Variants in NYAP2 observed in about 807,000 individuals in gnomAD.
The protein encoded by NYAP2 is neuronal tyrosine-phosphorylated phosphoinositide-3-kinase adapter 2.
Under a neutral mutation model 50.4 loss-of-function variants are expected in NYAP2, and 23 were observed. The ratio of observed to expected loss-of-function variants is 0.46; its 90% confidence interval spans 0.33 to 0.65. The LOEUF is 0.65. Ranked by LOEUF, NYAP2 falls within the 30% of genes least tolerant of loss-of-function variation. NYAP2 has a pLI of 0.02. For synonymous variants in NYAP2, 394 were observed against 365.2 expected, an observed-to-expected ratio of 1.08 and a Z score of -0.90; for missense variants, 885 against 861.0, an observed-to-expected ratio of 1.03 and a Z score of -0.35.
chr2:225,409,249 T>TA lies in NYAP2; in HGVS notation c.221+150dup. The TA allele has an allele frequency of 4.9e-6, 3 of 606,198 alleles. 1 individual carries two copies. In the South Asian group the frequency reaches 6.2e-5, roughly 13 times the overall value. The allele number at this position is 606,198 out of a possible 1,614,324, so 37.6% of individuals were successfully genotyped here. Reference sequence around the variant, plus strand: ...GCATATGAAAGCGACCCCTCAACTATAACAAAAACACCACCCACACTGCCA... The same window carrying TA: ...GCATATGAAAGCGACCCCTCAACTATAAACAAAAACACCACCCACACTGCCA... On this transcript the variant is annotated intron_variant, in intron 3 of 6. Transcript: ENST00000636099.
chr2:225,456,171 C>A (rs146676232), intron 3 of NYAP2, among the ~76,000 whole-genome samples: 28 of 152,306 alleles, frequency 1.8e-4, no homozygotes, highest in African/African-American at 6.3e-4. Flanking sequence ...ATGGGCTTAG[C>A]CTGCTCTTTT....
In NYAP2 at chr2:225,418,141, T is replaced by A. The variant is rs193231641; in HGVS notation, c.221+9040T>A. 2.6e-5 allele frequency among the ~76,000 whole-genome samples: 4 copies of A among 152,214 alleles called. No homozygotes were observed. In the East Asian group the frequency reaches 7.7e-4, roughly 29 times the overall value. On this transcript the variant is annotated intron_variant, in intron 3 of 6. Transcript: ENST00000636099. ...AAGTAATAAGTGAGGAGAGAAGCCA[T>A]GCAGATCTCAGGAAAAACAGATTTC...
At chr2:225,557,430 G>T (rs530874896) in intron 4 of NYAP2, among the ~76,000 whole-genome samples, 3 of 151,572 alleles carry the variant, frequency 2.0e-5, no homozygotes, top group Admixed American at 6.6e-5. Flanking sequence ...ATGCATGTTT[G>T]TATGTATGTT....
chr2:225,410,810 A>G (rs1482284029), intron 3 of NYAP2, among the ~76,000 whole-genome samples: 1 of 152,098 alleles, frequency 6.6e-6, no homozygotes, highest in African/African-American at 2.4e-5. Context: ...CAAGTGTTCA[A>G]AAAGGGGCAT....
intron 3 of NYAP2, among the ~76,000 whole-genome samples, chr2:225,486,505 C>G (rs1005967670): frequency 1.2e-4 from 19 of 152,188 alleles, no homozygotes; most frequent in Admixed American, 1.2e-3. Flanking sequence ...GCCTTGCCTG[C>G]TGCTGAGCTG....
intron 3 of NYAP2, among the ~76,000 whole-genome samples, chr2:225,511,931 A>C (rs1359343022): frequency 6.6e-6 from 1 of 152,232 alleles, no homozygotes; most frequent in Non-Finnish European, 1.5e-5. Flanking sequence ...CAAACTTCAT[A>C]TACTCAGAGG....
the NYAP2 span, among the ~76,000 whole-genome samples, chr2:225,660,734 T>C: frequency 6.6e-6 from 1 of 152,206 alleles, no homozygotes; most frequent in East Asian, 1.9e-4. Context: ...AGAAGATGTA[T>C]GCGTTGTTTG....
At position 225,525,114 on chromosome 2, in the gene NYAP2, A is replaced by G. The variant is rs145277135; in HGVS notation, c.523+11442A>G. Among the ~76,000 whole-genome samples, 314 of 152,300 alleles carry G rather than the reference A, an allele frequency of 2.1e-3. 2 individuals carry two copies. The highest frequency in any genetic ancestry group is 6.8e-3 in the Middle Eastern group (2 of 294). Reference sequence around the variant, plus strand: ...TTGGCAAAGATGCAAAGAAAAGGGAACATTATACACTGTCAGTTGGAATAT... The same window carrying G: ...TTGGCAAAGATGCAAAGAAAAGGGAGCATTATACACTGTCAGTTGGAATAT... On this transcript the variant is annotated intron_variant, in intron 4 of 6. Transcript: ENST00000636099.
intron 4 of NYAP2, among the ~76,000 whole-genome samples, chr2:225,575,262 A>C (rs1345690841): frequency 2.0e-5 from 3 of 152,012 alleles, no homozygotes; most frequent in Non-Finnish European, 4.4e-5. Flanking sequence ...TGGTCTCCTC[A>C]CTATCCTTCA....
chr2:225,675,528 T>C, the NYAP2 span, among the ~76,000 whole-genome samples: 6 of 152,180 alleles, frequency 3.9e-5, no homozygotes, highest in African/African-American at 1.4e-4. Flanking sequence ...TACCACATTT[T>C]TTAAAAAATC....
At chr2:225,675,746 T>A in the NYAP2 span, among the ~76,000 whole-genome samples, 1 of 152,178 alleles carries the variant, frequency 6.6e-6, no homozygotes, top group Non-Finnish European at 1.5e-5. Context: ...GCTGAACTAG[T>A]TTTTATTCCC....
At chr2:225,438,243 A>T (rs1237946892) in intron 3 of NYAP2, among the ~76,000 whole-genome samples, 1 of 152,222 alleles carries the variant, frequency 6.6e-6, no homozygotes, top group Non-Finnish European at 1.5e-5. Flanking sequence ...ATGAGTATAG[A>T]TGAGTTTCAT....
At chr2:225,483,855 A>G (rs1418810765) in intron 3 of NYAP2, among the ~76,000 whole-genome samples, 1 of 152,226 alleles carries the variant, frequency 6.6e-6, no homozygotes, top group African/African-American at 2.4e-5. Context: ...AAATTATTTC[A>G]AATACTATCT....
intron 6 of NYAP2, among the ~76,000 whole-genome samples, chr2:225,630,887 C>T (rs1693301409): frequency 6.6e-6 from 1 of 152,212 alleles, no homozygotes; most frequent in Admixed American, 6.5e-5. Flanking sequence ...AAAGTCAGGA[C>T]TTACAGTTTG....
intron 5 of NYAP2, among the ~76,000 whole-genome samples, chr2:225,589,692 C>T (rs987067673): frequency 6.6e-6 from 1 of 151,466 alleles, no homozygotes; most frequent in Non-Finnish European, 1.5e-5. Context: ...AAGACCCTGT[C>T]TTAAAAAATA....
At chr2:225,557,910 A>G (rs1024993189) in intron 4 of NYAP2, among the ~76,000 whole-genome samples, 5 of 152,204 alleles carry the variant, frequency 3.3e-5, no homozygotes, top group African/African-American at 4.8e-5. Flanking sequence ...CAAAGCTACA[A>G]TTAAGGAAGT....
chr2:225,596,612 A>T (rs947191852), intron 5 of NYAP2, among the ~76,000 whole-genome samples: 15 of 152,050 alleles, frequency 9.9e-5, no homozygotes, highest in Admixed American at 2.0e-4. Flanking sequence ...TCTAAAGCTA[A>T]TTTTTTTTAA....
intron 3 of NYAP2, among the ~76,000 whole-genome samples, chr2:225,492,537 A>G (rs1017115557): frequency 3.3e-5 from 5 of 152,228 alleles, no homozygotes; most frequent in Admixed American, 6.5e-5. Flanking sequence ...TGTTATTTCC[A>G]TAATGTTTAT....
intron 4 of NYAP2, among the ~76,000 whole-genome samples, chr2:225,558,530 G>C (rs1691815194): frequency 6.6e-6 from 1 of 152,102 alleles, no homozygotes; most frequent in South Asian, 2.1e-4. Context: ...TGCTTCCACT[G>C]TCCTCTCTCT....
Sources: allele counts gnomAD v4.1 joint callset (sites outside exome capture counted in the v4.1 genomes callset), GRCh38; gene constraint gnomAD v4.1.1; transcripts MANE v1.5; gene names NCBI Gene and HGNC (gene_info 2026-07-23, HGNC 2026-07-21).